DIS3L2: variants seen among roughly 807,000 people sequenced by gnomAD.
DIS3L2 encodes DIS3-like exonuclease 2.
A neutral mutation model predicts 97.5 loss-of-function variants in DIS3L2; 34 were observed. That is an observed-to-expected ratio of 0.35 (90% confidence interval 0.27 to 0.46). The LOEUF (loss-of-function observed/expected upper bound fraction) is 0.46, where lower values mean the gene tolerates loss of function less well. Among genes scored for constraint, DIS3L2 ranks in the 20% least tolerant of loss-of-function variants. The pLI, the probability that DIS3L2 is intolerant of heterozygous loss-of-function variation, is 1.00. For synonymous variants in DIS3L2, 435 were observed against 445.2 expected, an observed-to-expected ratio of 0.98 and a Z score of 0.29; for missense variants, 1,038 against 1,146.0, an observed-to-expected ratio of 0.91 and a Z score of 1.36.
At chr2:232,321,862 G>A (rs1003320275) in intron 14 of DIS3L2, among the ~76,000 whole-genome samples, 9 of 152,140 alleles carry the variant, frequency 5.9e-5, no homozygotes, top group African/African-American at 1.7e-4. Context: ...CCAGCCAGGC[G>A]GTGGCTGCAG....
intron 12 of DIS3L2, among the ~76,000 whole-genome samples, chr2:232,255,958 A>G (rs567686421): frequency 6.6e-6 from 1 of 152,256 alleles, no homozygotes; most frequent in East Asian, 1.9e-4. Flanking sequence ...AACTACCGGC[A>G]CTAATACCTG....
intron 6 of DIS3L2, among the ~76,000 whole-genome samples, chr2:232,121,731 C>G (rs919593920): frequency 1.3e-5 from 2 of 152,038 alleles, no homozygotes; most frequent in Admixed American, 1.3e-4. Flanking sequence ...TGGACGGTGC[C>G]TTTTATTTTG....
At chr2:232,077,974 TTTCTTTC>T (rs1696256843) in intron 5 of DIS3L2, among the ~76,000 whole-genome samples, 2 of 130,598 alleles carry the variant, frequency 1.5e-5, no homozygotes, top group South Asian at 2.4e-4. Context: ...TCTTTCTTTC[TTTCTTTC>T]TTTCTTTCTT....
Position 232,336,937 on chromosome 2 carries a change from G to C in DIS3L2, c.*307G>C. ...CTGCCCAGGAAATGGGGGGGTTTCA[G>C]CAACTCAGTGTCACAGAATAAAATC... On this transcript the variant is annotated 3_prime_UTR_variant, in exon 21 of 21. Coordinates refer to ENST00000325385, the MANE Select transcript of DIS3L2 (RefSeq NM_152383.5). 1 of 1,206,472 alleles carries C rather than the reference G, an allele frequency of 8.3e-7. No homozygotes were observed. The highest frequency in any genetic ancestry group is 1.0e-6 in the Non-Finnish European group (1 of 964,044). The allele number at this position is 1,206,472 out of a possible 1,614,324, so 74.7% of individuals were successfully genotyped here. A position where few individuals can be genotyped will look rare whatever the true frequency, so the allele number is the denominator to read the frequency against.
intron 8 of DIS3L2, among the ~76,000 whole-genome samples, chr2:232,155,048 G>A (rs1450803434): frequency 5.8e-3 from 824 of 141,480 alleles, no homozygotes; most frequent in East Asian, 9.8e-3. Flanking sequence ...GCAATGCCTC[G>A]CCCTGCTTCG....
At chr2:232,174,283 A>G (rs565875004) in intron 9 of DIS3L2, among the ~76,000 whole-genome samples, 1 of 152,098 alleles carries the variant, frequency 6.6e-6, no homozygotes, top group African/African-American at 2.4e-5. Flanking sequence ...GTATCCTGCA[A>G]CCTTACAAAA....
At chr2:232,295,530 C>G (rs576963471) in intron 13 of DIS3L2, among the ~76,000 whole-genome samples, 1 of 152,288 alleles carries the variant, frequency 6.6e-6, no homozygotes, top group South Asian at 2.1e-4. Context: ...TTCTACTCCA[C>G]CATCCATAGT....
chr2:232,124,942 A>G (rs1270711273), intron 6 of DIS3L2, among the ~76,000 whole-genome samples: 4 of 152,204 alleles, frequency 2.6e-5, no homozygotes, highest in Admixed American at 1.3e-4. Context: ...AGAATTTGCA[A>G]TGGTTTTCCA....
At chr2:232,042,114 A>G (rs1443609499) in intron 5 of DIS3L2, among the ~76,000 whole-genome samples, 1 of 152,214 alleles carries the variant, frequency 6.6e-6, no homozygotes, top group African/African-American at 2.4e-5. Context: ...GTCTGAAAGA[A>G]TAAAGGAAGT....
At chr2:232,074,165 A>G (rs901968624) in intron 5 of DIS3L2, among the ~76,000 whole-genome samples, 4 of 152,210 alleles carry the variant, frequency 2.6e-5, no homozygotes, top group Non-Finnish European at 5.9e-5. Context: ...GTGCCTCCCA[A>G]TTTTATTCAT....
At position 232,210,367 on chromosome 2, in the gene DIS3L2, A is replaced by G; in HGVS notation, c.1166A>G (p.Asp389Gly). Residue 389 changes from aspartate to glycine, a missense_variant, in exon 10 of 21, where the codon GAC (aspartate) becomes GGC (glycine). Physicochemically the swap from Asp to Gly is moderately conservative, Grantham distance 94 (BLOSUM62 -1). Coordinates refer to ENST00000325385, the MANE Select transcript of DIS3L2 (RefSeq NM_152383.5). ...ACCATTGACCCATCAACCGCCCGAG[A>G]CCTCGATGATGCCCTCTCCTGCAAG... ...IFTIDPSTAR[D>G]LDDALSCKPL... 6.2e-7 allele frequency: 1 copy of G among 1,613,730 alleles called. No homozygotes were observed. Among genetic ancestry groups the G allele is most frequent in the Non-Finnish European group, 8.5e-7 (1 of 1,179,706 alleles).
In DIS3L2 at chr2:232,304,971, A is replaced by T. The variant is rs1188533820; in HGVS notation, c.1739+4852A>T. On this transcript the variant is annotated intron_variant, in intron 14 of 20. Transcript: ENST00000325385. ...CTATTTCTGTATCTGTTAATGCTGCATTGTAGGCAACTTCCTCAAAAGTGT... is the reference window on the plus strand; with the variant it reads ...CTATTTCTGTATCTGTTAATGCTGCTTTGTAGGCAACTTCCTCAAAAGTGT... 3.3e-5 allele frequency among the ~76,000 whole-genome samples: 5 copies of T among 152,102 alleles called. No homozygotes were observed. In the East Asian group the frequency reaches 9.6e-4, roughly 29 times the overall value.
chr2:231,980,682 A>G (rs187748458), intron 1 of DIS3L2, among the ~76,000 whole-genome samples: 1 of 152,120 alleles, frequency 6.6e-6, no homozygotes, highest in Non-Finnish European at 1.5e-5. Flanking sequence ...TGGGTGACAG[A>G]GCAAGACTCC....
chr2:232,007,418 C>T (rs1257487589), intron 1 of DIS3L2, among the ~76,000 whole-genome samples: 1 of 152,190 alleles, frequency 6.6e-6, no homozygotes, highest in Non-Finnish European at 1.5e-5. Context: ...TCACTGCAGC[C>T]TCCACCTCTC....
chr2:232,241,098 A>G (rs1369806536), intron 11 of DIS3L2, among the ~76,000 whole-genome samples: 2 of 152,178 alleles, frequency 1.3e-5, no homozygotes, highest in Non-Finnish European at 2.9e-5. Flanking sequence ...GCCGGCCCGC[A>G]ACCTTGGACA....
rs1297628987 is a variant in DIS3L2 at position 232,222,510 on chromosome 2, G to A, written c.1204+12105G>A. Among the ~76,000 whole-genome samples the A allele has an allele frequency of 4.0e-5, 6 of 151,716 alleles. No individual in the cohort carries two copies. In the East Asian group the frequency reaches 5.8e-4, roughly 15 times the overall value. ...TTTTAAGACTGAGTCTTGCTCTGTC[G>A]CCCAGGCTGGAGTGCGATGGCGCAG... On this transcript the variant is annotated intron_variant, in intron 10 of 20. Coordinates refer to ENST00000325385, the MANE Select transcript of DIS3L2 (RefSeq NM_152383.5).
At chr2:232,199,407 A>G (rs956787242) in intron 9 of DIS3L2, among the ~76,000 whole-genome samples, 2 of 152,182 alleles carry the variant, frequency 1.3e-5, no homozygotes, top group Non-Finnish European at 2.9e-5. Flanking sequence ...AGGTAGAGCT[A>G]TCTAATTATT....
chr2:232,177,206 T>C (rs1316381317), intron 9 of DIS3L2, among the ~76,000 whole-genome samples: 2 of 143,234 alleles, frequency 1.4e-5, no homozygotes, highest in South Asian at 2.3e-4. Context: ...AGTCTATCAT[T>C]GTTGGACATT....
intron 6 of DIS3L2, among the ~76,000 whole-genome samples, chr2:232,088,502 C>T (rs1310846518): frequency 2.7e-5 from 4 of 149,426 alleles, no homozygotes; most frequent in Non-Finnish European, 5.9e-5. Flanking sequence ...GTGGAGCTTG[C>T]GGTGAGCCTA....
Sources: gnomAD v4.1 joint callset for allele counts (sites outside exome capture counted in the v4.1 genomes callset) on GRCh38, gnomAD v4.1.1 for gene constraint, MANE v1.5 for transcripts, NCBI Gene and HGNC (gene_info 2026-07-23, HGNC 2026-07-21) for gene names.